PPP2R2A: variants seen among roughly 807,000 people sequenced by gnomAD.
PPP2R2A encodes the protein protein phosphatase 2 regulatory subunit Balpha, also known as serine/threonine-protein phosphatase 2A 55 kDa regulatory subunit B alpha isoform.
Under a neutral mutation model 53.2 loss-of-function variants are expected in PPP2R2A, and 9 were observed. The ratio of observed to expected loss-of-function variants is 0.17; its 90% CI spans 0.10 to 0.30. The LOEUF (loss-of-function observed/expected upper bound fraction) is 0.30, where lower values mean the gene tolerates loss of function less well. Among genes scored for constraint, PPP2R2A ranks in the 10% least tolerant of loss-of-function variants. The probability of loss-of-function intolerance (pLI) is 1.00; values close to 1 mark genes in which losing one functional copy is unlikely to be tolerated. For missense variants in PPP2R2A, 235 were observed against 534.6 expected (o/e 0.44, Z 5.53); for synonymous variants, 169 against 174.2 (o/e 0.97, Z 0.23).
At chr8:26,300,332 G>A (rs17055106) in intron 2 of PPP2R2A, among the ~76,000 whole-genome samples, 82,234 of 151,968 alleles carry the variant, frequency 0.54, 22,577 homozygotes, top group African/African-American at 0.56. Flanking sequence ...AGAGGTTACA[G>A]TATGTTACGT....
At chr8:26,307,849 AC>A (rs1802092391) in intron 2 of PPP2R2A, among the ~76,000 whole-genome samples, 1 of 152,248 alleles carries the variant, frequency 6.6e-6, no homozygotes, top group Admixed American at 6.5e-5. Context: ...GCTCAAAGTC[AC>A]GTAGTTGGAA....
At chr8:26,294,484 G>A (rs1182667966) in intron 2 of PPP2R2A, among the ~76,000 whole-genome samples, 1 of 152,262 alleles carries the variant, frequency 6.6e-6, no homozygotes, top group Non-Finnish European at 1.5e-5. Flanking sequence ...CTTAGGCAGC[G>A]GAGGCATTTT....
At chr8:26,300,577 G>A (rs1323145700) in intron 2 of PPP2R2A, among the ~76,000 whole-genome samples, 1 of 152,078 alleles carries the variant, frequency 6.6e-6, no homozygotes, top group East Asian at 1.9e-4. Flanking sequence ...AAAAGCTGGC[G>A]GGGCGCGGTG....
At chr8:26,369,542 C>T (rs1162832859) in intron 9 of PPP2R2A, among the ~76,000 whole-genome samples, 1 of 152,176 alleles carries the variant, frequency 6.6e-6, no homozygotes, top group African/African-American at 2.4e-5. Flanking sequence ...GGGTGCCTGC[C>T]ACCACGCCAG....
intron 1 of PPP2R2A, 54 bp downstream of exon 1, chr8:26,291,880 C>T (rs944036543): frequency 1.7e-5 from 27 of 1,602,460 alleles, no homozygotes; most frequent in South Asian, 2.2e-5. Context: ...CTTATTCCTC[C>T]CTCCATCACC....
chr8:26,336,230 C>T (rs1006132362), intron 2 of PPP2R2A, among the ~76,000 whole-genome samples: 2 of 151,904 alleles, frequency 1.3e-5, no homozygotes, highest in African/African-American at 4.8e-5. Flanking sequence ...TCGAAACCAG[C>T]CTGGGCAACA....
intron 7 of PPP2R2A, 120 bp from the exon 8 acceptor site, chr8:26,363,601 A>T: frequency 1.2e-6 from 1 of 860,512 alleles, no homozygotes; most frequent in East Asian, 2.8e-5. Context: ...TCAGTTCTTT[A>T]TTAGCCTGGC....
chr8:26,327,278 A>T (rs1803139026), intron 2 of PPP2R2A, among the ~76,000 whole-genome samples: 1 of 152,200 alleles, frequency 6.6e-6, no homozygotes, highest in South Asian at 2.1e-4. Context: ...GCGAGAGGGA[A>T]CATTTGCCCC....
At chr8:26,350,889 C>T (rs1293879443) in intron 3 of PPP2R2A, among the ~76,000 whole-genome samples, 8 of 152,184 alleles carry the variant, frequency 5.3e-5, no homozygotes, top group African/African-American at 1.7e-4. Flanking sequence ...CAGTGGCTCA[C>T]GCCTGTAATC....
chr8:26,299,291 C>G (rs1321639850), intron 2 of PPP2R2A, among the ~76,000 whole-genome samples: 3 of 150,920 alleles, frequency 2.0e-5, no homozygotes, highest in Admixed American at 1.3e-4. Flanking sequence ...CTTAACCATT[C>G]AAGATAGTTA....
chr8:26,322,015 AC>A (rs1802865863), intron 2 of PPP2R2A, among the ~76,000 whole-genome samples: 1 of 152,184 alleles, frequency 6.6e-6, no homozygotes, highest in Admixed American at 6.5e-5. Flanking sequence ...AGAATGATAG[AC>A]ACATCCAGAT....
At chr8:26,335,792 C>T (rs1331958939) in intron 2 of PPP2R2A, among the ~76,000 whole-genome samples, 1 of 152,098 alleles carries the variant, frequency 6.6e-6, no homozygotes, top group Non-Finnish European at 1.5e-5. Flanking sequence ...TCTAGGATTC[C>T]TCACCCTACA....
At position 26,321,034 on chromosome 8, in the gene PPP2R2A, AAGG is replaced by A. The variant is rs1802814664; in HGVS notation, c.83-17853_83-17851del. Among the ~76,000 whole-genome samples, 1 of 152,230 alleles carries A rather than the reference AAGG, an allele frequency of 6.6e-6. No individual in the cohort carries two copies. The highest frequency in any genetic ancestry group is 2.1e-4 in the South Asian group (1 of 4,834). On this transcript the variant is annotated intron_variant, in intron 2 of 9. Coordinates refer to ENST00000380737, the MANE Select transcript of PPP2R2A (RefSeq NM_002717.4). This position sits in a 1 kb window ranked among gnomAD's most constrained non-coding sequence, Gnocchi z 4.1. ...CACTGAAATGACCAACGAGCATAAT[AAGG>A]AGAATTCAGTATCCTTGGAAACCCT... is the stretch of plus-strand genomic sequence containing the variant.
chr8:26,363,597 CTTTA>C, intron 7 of PPP2R2A, 120 bp from the exon 8 acceptor site: 12 of 826,184 alleles, frequency 1.5e-5, no homozygotes, highest in Non-Finnish European at 1.9e-5. Flanking sequence ...TTTTTCAGTT[CTTTA>C]TTAGCCTGGC....
At chr8:26,320,836 C>G (rs560656281) in intron 2 of PPP2R2A, among the ~76,000 whole-genome samples, 27 of 151,154 alleles carry the variant, frequency 1.8e-4, no homozygotes, top group Non-Finnish European at 3.1e-4. Flanking sequence ...TTTGTTTTAT[C>G]CAACAATAGA....
chr8:26,297,988 A>G (rs777133257), intron 2 of PPP2R2A, among the ~76,000 whole-genome samples: 5 of 152,252 alleles, frequency 3.3e-5, no homozygotes, highest in Admixed American at 1.3e-4. Flanking sequence ...TGCAGCTGGT[A>G]AAACTATGAA....
At chr8:26,310,478 A>T (rs1195912728) in intron 2 of PPP2R2A, among the ~76,000 whole-genome samples, 2 of 151,494 alleles carry the variant, frequency 1.3e-5, no homozygotes, top group Non-Finnish European at 2.9e-5. Context: ...TCCAGTTAAC[A>T]TATATGAGAA....
chr8:26,306,106 G>C (rs1802009062), intron 2 of PPP2R2A, among the ~76,000 whole-genome samples: 1 of 151,644 alleles, frequency 6.6e-6, no homozygotes, highest in Non-Finnish European at 1.5e-5. Context: ...CCAGGAGTTA[G>C]AGGTTGCAGT....
chr8:26,361,144 G>T lies in PPP2R2A; in HGVS notation c.630G>T (p.Arg210Ser). The change falls in exon 6 of 10, where the codon AGG becomes AGT. Residue 210 changes from arginine to serine, a missense_variant. This residue lies in a region of PPP2R2A where 181 missense variants were observed against 409.9 expected (regional missense o/e 0.44). Coordinates refer to ENST00000380737, the MANE Select transcript of PPP2R2A (RefSeq NM_002717.4). ...TTTGGCATCTGGAAATTACAGACAG[G>T]AGTTTTAGTATCCATTTGGTTTTCT... Reference protein sequence around the residue: ...INLWHLEITDRSFNIVDIKPA... With the variant: ...INLWHLEITDSSFNIVDIKPA... 1 of 1,591,206 alleles carries T rather than the reference G, an allele frequency of 6.3e-7. No individual in the cohort carries two copies. The highest frequency in any genetic ancestry group is 1.2e-5 in the South Asian group (1 of 86,868).
Sources: gnomAD v4.1 joint callset for allele counts (sites outside exome capture counted in the v4.1 genomes callset) on GRCh38, gnomAD v4.1.1 for gene constraint, gnomAD v4.1.1 regional missense constraint, Gnocchi (gnomAD v3.1) non-coding constraint, MANE v1.5 for transcripts, NCBI Gene and HGNC (gene_info 2026-07-23, HGNC 2026-07-21) for gene names.